TEX9: variants seen among roughly 807,000 people sequenced by gnomAD.
The protein encoded by TEX9 is testis expressed 9.
Under a neutral mutation model 59.6 loss-of-function variants are expected in TEX9, and 74 were observed. The observed-to-expected ratio is 1.24, with a 90% CI of 1.03 to 1.51. The LOEUF (loss-of-function observed/expected upper bound fraction) is 1.51, where lower values mean the gene tolerates loss of function less well. TEX9 is among the 40% of genes most tolerant of loss of function. The pLI is 0.00. For missense variants in TEX9, 522 were observed against 447.8 expected, an observed-to-expected ratio of 1.17 and a Z score of -1.49; for synonymous variants, 186 against 152.2, an observed-to-expected ratio of 1.22 and a Z score of -1.64.
rs555569342 is a variant in TEX9 at position 56,268,009 on chromosome 15, G to C, written c.-107+23731G>C. On this transcript the variant is annotated intron_variant, in intron 1 of 5. Transcript: ENST00000560827. ...TCCTCTTTTATTTCATTGAGCAGTG[G>C]TTTGTAGTTCTCCTTGAAGAGGTCC... is the stretch of plus-strand genomic sequence containing the variant. Among the ~76,000 whole-genome samples, 421 of 152,220 alleles carry C rather than the reference G, an allele frequency of 2.8e-3. 1 individual carries two copies. The highest frequency in any genetic ancestry group is 5.0e-3 in the Non-Finnish European group (343 of 68,020).
At chr15:56,427,662 C>T (rs1315017632) in exon 11 of TEX9, 2 of 1,540,808 alleles carry the variant, frequency 1.3e-6, no homozygotes, top group Non-Finnish European at 1.7e-6. Flanking sequence ...AAACAAGAAG[C>T]TAGAAAAACA....
chr15:56,245,019 T>G (rs2043814211), intron 1 of TEX9, among the ~76,000 whole-genome samples: 1 of 152,210 alleles, frequency 6.6e-6, no homozygotes, highest in South Asian at 2.1e-4. Flanking sequence ...GTGGGTGTTA[T>G]GAGCCCTTCA....
chr15:56,452,319 G>A, the TEX9 span, among the ~76,000 whole-genome samples: 27 of 152,068 alleles, frequency 1.8e-4, no homozygotes, highest in Admixed American at 3.9e-4. Context: ...AAACACACAG[G>A]ACACGCTTAA....
rs35539808 is a variant in TEX9, at chr15:56,333,477, TAA to T, written c.-106-39953_-106-39952del. The stretch of plus-strand genomic sequence containing the variant: ...GATGAAATTCAACACTCCTTCATGA[TAA>T]AAAAAAAAAACCCTCAAAAAACTGG... On this transcript the variant is annotated intron_variant, in intron 1 of 5. Coordinates refer to the TEX9 transcript ENST00000560827. Among the ~76,000 whole-genome samples the T allele has an allele frequency of 5.7e-3, 815 of 142,262 alleles. 8 individuals carry two copies. Among genetic ancestry groups the T allele is most frequent in the African/African-American group, 0.02 (771 of 39,050 alleles). The allele number at this position is 142,262 out of a possible 152,430, so 93.3% of individuals were successfully genotyped here.
intron 1 of TEX9, among the ~76,000 whole-genome samples, chr15:56,277,936 C>T (rs2682065): frequency 0.45 from 68,365 of 151,838 alleles, 16,432 homozygotes; most frequent in Non-Finnish European, 0.55. Flanking sequence ...AATTCTCCCT[C>T]TTGAGGGACC....
intron 1 of TEX9, among the ~76,000 whole-genome samples, chr15:56,258,752 C>T (rs1192921563): frequency 6.6e-6 from 1 of 151,684 alleles, no homozygotes; most frequent in African/African-American, 2.4e-5. Context: ...TTTTCATGTG[C>T]TTATATTCAT....
intron 9 of TEX9, chr15:56,396,317 A>G (rs1393383100): frequency 6.6e-6 from 1 of 152,172 alleles, no homozygotes; most frequent in Non-Finnish European, 1.5e-5. Flanking sequence ...GACAAAATTT[A>G]TATGCAGTAA....
chr15:56,324,460 A>C (rs1456318283), intron 1 of TEX9, among the ~76,000 whole-genome samples: 4 of 152,224 alleles, frequency 2.6e-5, no homozygotes, highest in Admixed American at 2.6e-4. Flanking sequence ...AAAAAGGCTC[A>C]CATTCCACAG....
At chr15:56,442,455 A>G (rs1210046943) in intron 12 of TEX9, among the ~76,000 whole-genome samples, 1 of 152,218 alleles carries the variant, frequency 6.6e-6, no homozygotes, top group African/African-American at 2.4e-5. Flanking sequence ...TTATAGCAGC[A>G]CTATTCACAA....
At chr15:56,371,681 G>C (rs1250225536) in intron 2 of TEX9, among the ~76,000 whole-genome samples, 2 of 152,040 alleles carry the variant, frequency 1.3e-5, no homozygotes, top group African/African-American at 4.8e-5. Flanking sequence ...TTCCTATAGG[G>C]TGGTTTTCAA....
intron 1 of TEX9, among the ~76,000 whole-genome samples, chr15:56,300,707 GGGAGA>G (rs2045331762): frequency 3.0e-5 from 3 of 98,506 alleles, no homozygotes; most frequent in Non-Finnish European, 6.5e-5. Flanking sequence ...GAGAGAGAGA[GGGAGA>G]GAGAGAGAGA....
At chr15:56,432,140 A>C (rs1296032074) in intron 12 of TEX9, among the ~76,000 whole-genome samples, 18 of 152,184 alleles carry the variant, frequency 1.2e-4, no homozygotes, top group African/African-American at 4.3e-4. Flanking sequence ...AAAGTTCTGT[A>C]ATGTTACAGG....
chr15:56,438,135 C>CA (rs1567149042), intron 12 of TEX9, among the ~76,000 whole-genome samples: 1 of 152,074 alleles, frequency 6.6e-6, no homozygotes, highest in South Asian at 2.1e-4. Flanking sequence ...CATATGGAAC[C>CA]AAAAAAGGGG....
chr15:56,358,630 C>T (rs2046732991), intron 1 of TEX9, among the ~76,000 whole-genome samples: 1 of 151,962 alleles, frequency 6.6e-6, no homozygotes, highest in Admixed American at 6.6e-5. Context: ...ATTCAGAATT[C>T]CTTGTATTTT....
intron 12 of TEX9, among the ~76,000 whole-genome samples, chr15:56,436,860 G>A (rs1015743494): frequency 2.6e-5 from 4 of 152,122 alleles, no homozygotes; most frequent in Non-Finnish European, 5.9e-5. Context: ...TAGAAGAAAT[G>A]GATAAATTCC....
At chr15:56,295,964 C>T (rs1245937796) in intron 1 of TEX9, among the ~76,000 whole-genome samples, 1 of 152,158 alleles carries the variant, frequency 6.6e-6, no homozygotes, top group African/African-American at 2.4e-5. Context: ...CCTCTCCTGG[C>T]TTCATATTTT....
At chr15:56,446,776 AG>A, downstream of TEX9, 1 of 1,233,970 alleles carries the variant, frequency 8.1e-7, no homozygotes, top group Admixed American at 2.0e-5. Flanking sequence ...CAATTTTTTA[AG>A]AAACAAGTCT....
chr15:56,402,125 T>A (rs1322233707), intron 9 of TEX9, among the ~76,000 whole-genome samples: 2 of 151,996 alleles, frequency 1.3e-5, no homozygotes, highest in Non-Finnish European at 2.9e-5. Context: ...AAGAAATAAC[T>A]AAGATCAGAG....
In TEX9 at chr15:56,394,655, CTA is replaced by C. The variant is rs2048370253; in HGVS notation, c.655-3_655-2del. Reference sequence around the variant, plus strand: ...TTTCACATAATCTATAACTTTATAACTATAGGAGGATGAAATTCAGAATTTAA... The same window carrying C: ...TTTCACATAATCTATAACTTTATAACTAGGAGGATGAAATTCAGAATTTAA... On this transcript the variant is annotated splice_region_variant and splice_polypyrimidine_tract_variant and intron_variant, in intron 8 of 12. Coordinates refer to ENST00000352903, the Ensembl canonical transcript of TEX9. The C allele has an allele frequency of 3.2e-6, 5 of 1,552,686 alleles. No individual in the cohort carries two copies. The highest frequency in any genetic ancestry group is 1.4e-5 in the African/African-American group (1 of 73,024).
Sources: gnomAD v4.1 joint callset for allele counts (sites outside exome capture counted in the v4.1 genomes callset) on GRCh38, gnomAD v4.1.1 for gene constraint, MANE v1.5 for transcripts, NCBI Gene and HGNC (gene_info 2026-07-23, HGNC 2026-07-21) for gene names.